LRP1B: variants seen among roughly 807,000 people sequenced by gnomAD.
The protein encoded by LRP1B is low-density lipoprotein receptor-related protein 1B.
A neutral mutation model predicts 556.6 loss-of-function variants in LRP1B; 217 were observed. That is an observed-to-expected ratio of 0.39 (90% CI 0.35 to 0.44). LRP1B has a LOEUF of 0.44. Among genes scored for constraint, LRP1B ranks in the 20% least tolerant of loss-of-function variants. The pLI is 1.00. For missense variants in LRP1B, 5,053 were observed against 5,620.8 expected (o/e 0.90, Z 3.23); for synonymous variants, 2,047 against 1,865.8 (o/e 1.10, Z -2.50).
chr2:140,541,410 G>A (rs1680128473), intron 44 of LRP1B, among the ~76,000 whole-genome samples: 1 of 152,016 alleles, frequency 6.6e-6, no homozygotes, highest in Non-Finnish European at 1.5e-5. Flanking sequence ...TTAAGCCCAG[G>A]TGCAAAGTTT....
At chr2:141,435,121 ATGATTGTGGTTTTATTTTTAAGCC>A (rs1176459494) in intron 3 of LRP1B, among the ~76,000 whole-genome samples, 1 of 152,168 alleles carries the variant, frequency 6.6e-6, no homozygotes, top group African/African-American at 2.4e-5. Context: ...ATTGAGAAGG[ATGATTGTGGTTTTATTTTTAAGCC>A]TGGCTTGCCA....
At chr2:141,233,541 T>C (rs1347859510) in intron 5 of LRP1B, among the ~76,000 whole-genome samples, 1 of 152,186 alleles carries the variant, frequency 6.6e-6, no homozygotes, top group Non-Finnish European at 1.5e-5. Context: ...AAAGGCTTAT[T>C]TGACCAGGTT....
At chr2:140,676,589 T>C (rs1406497514) in intron 41 of LRP1B, among the ~76,000 whole-genome samples, 2 of 152,194 alleles carry the variant, frequency 1.3e-5, no homozygotes, top group East Asian at 1.9e-4. Flanking sequence ...GTTTGACTTT[T>C]TAAATTTAAA....
At chr2:141,815,837 A>G (rs1452412959) in intron 1 of LRP1B, among the ~76,000 whole-genome samples, 2 of 150,674 alleles carry the variant, frequency 1.3e-5, no homozygotes, top group African/African-American at 4.9e-5. Flanking sequence ...GAGCTGTAAC[A>G]CTCACTATTA....
intron 74 of LRP1B, among the ~76,000 whole-genome samples, chr2:140,357,260 A>G (rs2105132648): frequency 6.6e-6 from 1 of 150,914 alleles, no homozygotes; most frequent in East Asian, 1.9e-4. Flanking sequence ...ACTGACTTGA[A>G]TATTTTGCAA....
Position 141,175,913 on chromosome 2 carries a change from C to A in LRP1B, c.1013+12508G>T, listed in dbSNP as rs543385194. Among the ~76,000 whole-genome samples the A allele has an allele frequency of 1.1e-4, 16 of 152,044 alleles. 1 individual carries two copies. The highest frequency in any genetic ancestry group is 5.2e-4 in the Admixed American group (8 of 15,260). ...AGCCCACCCCTTGTATCAGCATGCC[C>A]TAGATGCAAGACATGGAGTCAAAGG... On this transcript the variant is annotated intron_variant, in intron 7 of 90. Transcript: ENST00000389484.
chr2:140,822,844 G>T (rs1691373043), intron 31 of LRP1B, among the ~76,000 whole-genome samples: 2 of 152,080 alleles, frequency 1.3e-5, no homozygotes, highest in African/African-American at 4.8e-5. Context: ...AAATAAACTT[G>T]GATTTTAAAG....
chr2:140,839,357 C>T (rs1692024157), intron 31 of LRP1B, among the ~76,000 whole-genome samples: 1 of 152,034 alleles, frequency 6.6e-6, no homozygotes, highest in South Asian at 2.1e-4. Flanking sequence ...AAGTATTGTT[C>T]CTCGGTGTGT....
At chr2:141,585,329 G>T (rs1687098793) in intron 2 of LRP1B, among the ~76,000 whole-genome samples, 1 of 151,842 alleles carries the variant, frequency 6.6e-6, no homozygotes. Context: ...TGTCATGAAG[G>T]ATCCTTGTAA....
At chr2:141,699,195 T>C (rs1691846291) in intron 2 of LRP1B, among the ~76,000 whole-genome samples, 1 of 151,790 alleles carries the variant, frequency 6.6e-6, no homozygotes, top group Admixed American at 6.6e-5. Context: ...TCTGGGGAGC[T>C]TGAAAAAATT....
At chr2:141,690,434 T>A (rs1691481631) in intron 2 of LRP1B, among the ~76,000 whole-genome samples, 1 of 125,170 alleles carries the variant, frequency 8.0e-6, no homozygotes, top group Admixed American at 7.8e-5. Context: ...TATATATATA[T>A]ATATATAATT....
At chr2:141,052,288 T>G (rs1699057943) in intron 10 of LRP1B, among the ~76,000 whole-genome samples, 1 of 152,004 alleles carries the variant, frequency 6.6e-6, no homozygotes, top group Non-Finnish European at 1.5e-5. Flanking sequence ...TGAAAATCAT[T>G]AACATTTCTA....
At chr2:140,887,285 T>C (rs1265707868) in intron 23 of LRP1B, among the ~76,000 whole-genome samples, 2 of 152,164 alleles carry the variant, frequency 1.3e-5, no homozygotes, top group Non-Finnish European at 2.9e-5. Context: ...AAAATGTTTG[T>C]GTTGGATGCA....
At chr2:140,301,125 C>T (rs1387412789) in intron 83 of LRP1B, among the ~76,000 whole-genome samples, 2 of 152,068 alleles carry the variant, frequency 1.3e-5, no homozygotes, top group Non-Finnish European at 2.9e-5. Flanking sequence ...CAGGGTCTAA[C>T]ATTTTTAGAC....
intron 21 of LRP1B, among the ~76,000 whole-genome samples, chr2:140,916,194 G>C (rs1020827305): frequency 6.6e-6 from 1 of 152,006 alleles, no homozygotes; most frequent in Non-Finnish European, 1.5e-5. Context: ...CCATAGGGCT[G>C]GTTCCAGAAA....
chr2:141,789,658 G>C (rs1695545960), intron 2 of LRP1B, among the ~76,000 whole-genome samples: 1 of 151,872 alleles, frequency 6.6e-6, no homozygotes, highest in Non-Finnish European at 1.5e-5. Flanking sequence ...CAGTGTTTTG[G>C]CTGCTAGAGA....
chr2:140,722,967 C>T lies in LRP1B; in HGVS notation c.5759-6151G>A, dbSNP rs544771672. Among the ~76,000 whole-genome samples, 7 of 152,174 alleles carry T rather than the reference C, an allele frequency of 4.6e-5. No homozygotes were observed. In the East Asian group the frequency reaches 9.7e-4, roughly 21 times the overall value. On this transcript the variant is annotated intron_variant, in intron 35 of 90. Transcript: ENST00000389484. Reference sequence around the variant, plus strand: ...CTGAGACAGGAGAATGGTGTAAACCCGGGAGGCAGTGATTGCAGTGAGCCG... The same window carrying T: ...CTGAGACAGGAGAATGGTGTAAACCTGGGAGGCAGTGATTGCAGTGAGCCG...
chr2:140,713,877 A>T (rs1359959481), intron 37 of LRP1B, among the ~76,000 whole-genome samples: 8 of 152,236 alleles, frequency 5.3e-5, no homozygotes. Flanking sequence ...AATCACTATT[A>T]TTGCTGCTAC....
At chr2:140,388,466 T>C (rs529350183) in intron 66 of LRP1B, among the ~76,000 whole-genome samples, 1 of 152,302 alleles carries the variant, frequency 6.6e-6, no homozygotes, top group Non-Finnish European at 1.5e-5. Flanking sequence ...ATTTAAACAT[T>C]TGTATCATAG....
Sources: allele counts gnomAD v4.1 joint callset (sites outside exome capture counted in the v4.1 genomes callset), GRCh38; gene constraint gnomAD v4.1.1; transcripts MANE v1.5; gene names NCBI Gene and HGNC (gene_info 2026-07-23, HGNC 2026-07-21).